CELF4: variants seen among roughly 807,000 people sequenced by gnomAD.
The protein encoded by CELF4 is CUG-BP- and ETR-3-like factor 4.
In CELF4, 18 loss-of-function variants were observed where a neutral mutation model predicts 59.9. The ratio of observed to expected loss-of-function variants is 0.30; its 90% CI spans 0.21 to 0.45. The LOEUF (loss-of-function observed/expected upper bound fraction) is 0.45. CELF4 is among the 20% of genes least tolerant of loss of function. The pLI, the probability that CELF4 is intolerant of heterozygous loss-of-function variation, is 1.00. For missense variants in CELF4, 456 were observed against 689.0 expected (o/e 0.66, Z 3.79); for synonymous variants, 261 against 267.1 (o/e 0.98, Z 0.22).
intron 2 of CELF4, among the ~76,000 whole-genome samples, chr18:37,406,208 C>T (rs1046753245): frequency 6.6e-6 from 1 of 151,762 alleles, no homozygotes; most frequent in Admixed American, 6.6e-5. Context: ...GAAAGCTGTC[C>T]CTGGTTGGCT....
intron 3 of CELF4, among the ~76,000 whole-genome samples, chr18:37,303,305 G>T (rs765889243): frequency 1.3e-5 from 2 of 152,142 alleles, no homozygotes; most frequent in Non-Finnish European, 2.9e-5. Context: ...AACAGGGAGA[G>T]ATTAATATTT....
rs115157208 is a variant in CELF4 at position 37,487,147 on chromosome 18, G to A, written c.287-1540C>T. On this transcript the variant is annotated intron_variant, in intron 1 of 12. Transcript: ENST00000420428. ...AGGCTTGCTTTAGACTCTGGTTGCC[G>A]GCCACAGAATGCTCCCGGTGTCCTC... Among the ~76,000 whole-genome samples, 510 of 152,232 alleles carry A rather than the reference G, an allele frequency of 3.4e-3. 3 individuals are homozygous for A. The highest frequency in any genetic ancestry group is 0.012 in the African/African-American group (498 of 41,540).
At chr18:37,407,741 A>C (rs1047532138) in intron 2 of CELF4, among the ~76,000 whole-genome samples, 2 of 152,096 alleles carry the variant, frequency 1.3e-5, no homozygotes, top group African/African-American at 4.8e-5. Flanking sequence ...GCAGGTCTGC[A>C]TCTGTCCTTC....
At chr18:37,378,825 C>T (rs2099002632) in intron 2 of CELF4, among the ~76,000 whole-genome samples, 1 of 152,130 alleles carries the variant, frequency 6.6e-6, no homozygotes, top group African/African-American at 2.4e-5. Flanking sequence ...CAAAAGCAGG[C>T]CCTGGGGACA....
intron 3 of CELF4, among the ~76,000 whole-genome samples, chr18:37,304,414 A>C (rs1455844113): frequency 6.6e-6 from 1 of 151,772 alleles, no homozygotes; most frequent in Non-Finnish European, 1.5e-5. Context: ...GGCAGTGAGG[A>C]AGGGATATAG....
chr18:37,524,574 C>G (rs927698152), intron 1 of CELF4, among the ~76,000 whole-genome samples: 1 of 152,162 alleles, frequency 6.6e-6, no homozygotes, highest in Non-Finnish European at 1.5e-5. Flanking sequence ...AAATTTTCGG[C>G]CGGCGGGGCA....
chr18:37,387,452 G>A (rs2099111673), intron 2 of CELF4, among the ~76,000 whole-genome samples: 1 of 152,220 alleles, frequency 6.6e-6, no homozygotes, highest in South Asian at 2.1e-4. Flanking sequence ...TCTTCTCACG[G>A]GAGGCTGTTG....
chr18:37,266,449 CAGGCCTGAG>C (rs2077575075), intron 9 of CELF4, 75 bp downstream of exon 9: 1 of 1,337,848 alleles, frequency 7.5e-7, no homozygotes, highest in South Asian at 1.3e-5. Context: ...GTGCTGGCCC[CAGGCCTGAG>C]GGGGCACTGG....
intron 3 of CELF4, among the ~76,000 whole-genome samples, chr18:37,313,630 C>G (rs573454579): frequency 1.3e-5 from 2 of 152,240 alleles, no homozygotes; most frequent in African/African-American, 2.4e-5. Flanking sequence ...ACGCTGCCCC[C>G]ACCCAGGCCC....
intron 1 of CELF4, among the ~76,000 whole-genome samples, chr18:37,546,962 G>A (rs183706991): frequency 2.6e-5 from 4 of 152,222 alleles, no homozygotes; most frequent in East Asian, 1.9e-4. Context: ...TCAGTACTGC[G>A]AAAGAAGGCT....
rs1034299649 is a variant in CELF4, at chr18:37,244,564, GTTGT to G, written c.*674_*677del. ...TTGAAGCGTTATTTTTCCTTTTTTT[GTTGT>G]TTTTTTTGTTTTTTGTTTTTTTTTT... On this transcript the variant is annotated 3_prime_UTR_variant, in exon 13 of 13. Transcript: ENST00000420428. 1.7e-5 allele frequency: 2 copies of G among 118,922 alleles called. No individual in the cohort carries two copies. The highest frequency in any genetic ancestry group is 8.9e-5 in the African/African-American group (2 of 22,438). 7.4% of individuals were successfully genotyped at this position (118,922 alleles called of 1,614,324 possible).
chr18:37,336,931 C>T (rs1036384747), intron 2 of CELF4, among the ~76,000 whole-genome samples: 5 of 152,126 alleles, frequency 3.3e-5, no homozygotes, highest in East Asian at 3.9e-4. Context: ...CCCCATGACC[C>T]GGACCCGAGG....
intron 3 of CELF4, among the ~76,000 whole-genome samples, chr18:37,289,124 G>A (rs2095102399): frequency 6.6e-6 from 1 of 152,128 alleles, no homozygotes; most frequent in South Asian, 2.1e-4. Context: ...ATTAGGGCCT[G>A]AGCGGCCCAG....
chr18:37,306,756 C>T (rs984937351), intron 3 of CELF4, among the ~76,000 whole-genome samples: 7 of 152,128 alleles, frequency 4.6e-5, no homozygotes, highest in African/African-American at 1.4e-4. Flanking sequence ...TGGAGGCCGA[C>T]ACATTTCTTC....
In CELF4 at chr18:37,510,924, G is replaced by A. The variant is rs182503270; in HGVS notation, c.287-25317C>T. Among the ~76,000 whole-genome samples, 112 of 152,198 alleles carry A rather than the reference G, an allele frequency of 7.4e-4. 1 individual carries two copies. The highest frequency in any genetic ancestry group is 2.6e-3 in the African/African-American group (110 of 41,516). On this transcript the variant is annotated intron_variant, in intron 1 of 12. Transcript: ENST00000420428. The stretch of plus-strand genomic sequence containing the variant: ...TGGAGGCAGCTCTGCCTTCCTGGGT[G>A]GTCTGTTTTCTGTTCCATAGAGTAA...
chr18:37,475,940 C>A (rs1008032589), intron 2 of CELF4, among the ~76,000 whole-genome samples: 3 of 152,166 alleles, frequency 2.0e-5, no homozygotes, highest in Admixed American at 2.0e-4. Flanking sequence ...TCCCAGCTCT[C>A]TTCTGAAATA....
intron 2 of CELF4, among the ~76,000 whole-genome samples, chr18:37,470,881 T>TACA (rs1569569554): frequency 3.7e-3 from 301 of 80,880 alleles, no homozygotes; most frequent in Middle Eastern, 0.014. Flanking sequence ...TGTGTGTGTG[T>TACA]GTGTGTGACA....
chr18:37,483,659 G>A (rs2154603110), intron 2 of CELF4, among the ~76,000 whole-genome samples: 1 of 152,300 alleles, frequency 6.6e-6, no homozygotes, highest in Middle Eastern at 3.4e-3. Context: ...AATTATGGGT[G>A]GAAAGGGGGC....
intron 1 of CELF4, among the ~76,000 whole-genome samples, chr18:37,515,134 C>A (rs539763895): frequency 6.6e-6 from 1 of 152,188 alleles, no homozygotes; most frequent in South Asian, 2.1e-4. Context: ...GCATGAGAGC[C>A]AATTATCTCT....
Sources: allele counts gnomAD v4.1 joint callset (sites outside exome capture counted in the v4.1 genomes callset), GRCh38; gene constraint gnomAD v4.1.1; transcripts MANE v1.5; gene names NCBI Gene and HGNC (gene_info 2026-07-23, HGNC 2026-07-21).